Variants in ZDHHC14 observed in about 807,000 individuals in gnomAD.
The protein encoded by ZDHHC14 is palmitoyltransferase ZDHHC14.
Under a neutral mutation model 47.7 loss-of-function variants are expected in ZDHHC14, and 16 were observed. The observed-to-expected ratio is 0.34, with a 90% confidence interval of 0.23 to 0.51. ZDHHC14 has a LOEUF of 0.51. ZDHHC14 is among the 20% of genes least tolerant of loss of function. The pLI is 0.97. For synonymous variants in ZDHHC14, 293 were observed against 278.9 expected (o/e 1.05, Z -0.50); for missense variants, 515 against 662.5 (o/e 0.78, Z 2.44).
At chr6:157,422,109 G>A (rs1045009451) in intron 1 of ZDHHC14, among the ~76,000 whole-genome samples, 1 of 152,128 alleles carries the variant, frequency 6.6e-6, no homozygotes, top group African/African-American at 2.4e-5. Flanking sequence ...CTTTCCAACC[G>A]GCTGGACTGT....
chr6:157,514,360 G>T (rs1488185001), intron 1 of ZDHHC14, among the ~76,000 whole-genome samples: 1 of 152,154 alleles, frequency 6.6e-6, no homozygotes, highest in Non-Finnish European at 1.5e-5. Flanking sequence ...TATGCCCATG[G>T]TCACTTTCAC....
chr6:157,402,355 G>T (rs149752797), intron 1 of ZDHHC14, among the ~76,000 whole-genome samples: 144 of 151,970 alleles, frequency 9.5e-4, no homozygotes, highest in Admixed American at 2.5e-3. Flanking sequence ...CACCTGCTGA[G>T]GTCTCAGCTG....
chr6:157,385,626 T>G (rs1777294711), intron 1 of ZDHHC14, among the ~76,000 whole-genome samples: 2 of 152,260 alleles, frequency 1.3e-5, no homozygotes, highest in Non-Finnish European at 1.5e-5. Context: ...CAACAGGTGT[T>G]GATACAGTCT....
chr6:157,561,833 A>AT (rs1262801931), intron 2 of ZDHHC14, among the ~76,000 whole-genome samples: 1 of 151,960 alleles, frequency 6.6e-6, no homozygotes, highest in East Asian at 1.9e-4. Flanking sequence ...TATTTTTTGT[A>AT]TTTTTTGTAG....
At chr6:157,596,810 A>G (rs1368996406) in intron 3 of ZDHHC14, among the ~76,000 whole-genome samples, 1 of 152,198 alleles carries the variant, frequency 6.6e-6, no homozygotes, top group Non-Finnish European at 1.5e-5. Context: ...CTGAGGGGCC[A>G]GTAAGCGCGT....
intron 2 of ZDHHC14, among the ~76,000 whole-genome samples, chr6:157,559,382 C>T (rs1229338634): frequency 6.6e-6 from 1 of 152,220 alleles, no homozygotes; most frequent in African/African-American, 2.4e-5. Context: ...CTTTGCTCCC[C>T]AGCAAGTGCA....
At chr6:157,636,437 A>C (rs1264248504) in intron 5 of ZDHHC14, among the ~76,000 whole-genome samples, 3 of 151,950 alleles carry the variant, frequency 2.0e-5, no homozygotes, top group African/African-American at 7.3e-5. Context: ...TCAGGTTGGA[A>C]ATGCTCGCGG....
intron 1 of ZDHHC14, 114 bp from the exon 2 acceptor site, chr6:157,542,471 C>G: frequency 7.4e-7 from 1 of 1,360,242 alleles, no homozygotes; most frequent in East Asian, 2.4e-5. Flanking sequence ...ATCAATTTCT[C>G]TCCTCCAAAT....
chr6:157,647,485 G>A (rs142912208), intron 7 of ZDHHC14, 117 bp downstream of exon 7: 1 of 657,956 alleles, frequency 1.5e-6, no homozygotes, highest in African/African-American at 1.8e-5. Flanking sequence ...TGACCACTTT[G>A]TGCCGCGTGG....
rs1779815724 is a variant in ZDHHC14, at chr6:157,487,719, C to T, written c.246-54866C>T. Among the ~76,000 whole-genome samples, 10 of 152,112 alleles carry T rather than the reference C, an allele frequency of 6.6e-5. No homozygotes were observed. The South Asian group carries it at 2.1e-3, about 32-fold the overall frequency. ...GAGCTTTTCTAAATCTCATGATTGT[C>T]GTTGTTATTTTTAGTACTATTATTA... is the stretch of plus-strand genomic sequence containing the variant. On this transcript the variant is annotated intron_variant, in intron 1 of 8. Transcript: ENST00000359775.
intron 7 of ZDHHC14, among the ~76,000 whole-genome samples, chr6:157,652,156 G>C (rs1245399137): frequency 6.6e-6 from 1 of 152,156 alleles, no homozygotes; most frequent in African/African-American, 2.4e-5. Flanking sequence ...TAAACCTATG[G>C]AGTGTTCAGC....
At chr6:157,538,492 T>C (rs958677814) in intron 1 of ZDHHC14, among the ~76,000 whole-genome samples, 1 of 152,236 alleles carries the variant, frequency 6.6e-6, no homozygotes. Flanking sequence ...AAATGGATTC[T>C]ATTCATTCAG....
chr6:157,504,239 G>T (rs1050083777), intron 1 of ZDHHC14, among the ~76,000 whole-genome samples: 4 of 151,804 alleles, frequency 2.6e-5, no homozygotes, highest in African/African-American at 9.7e-5. Context: ...ATGGAGTCTC[G>T]CTGTGCCGCC....
intron 8 of ZDHHC14, among the ~76,000 whole-genome samples, chr6:157,654,170 C>T (rs1007279073): frequency 1.2e-4 from 18 of 152,172 alleles, no homozygotes; most frequent in African/African-American, 4.3e-4. Flanking sequence ...AGAGCGTGTG[C>T]ACATCTCACG....
intron 1 of ZDHHC14, among the ~76,000 whole-genome samples, chr6:157,399,290 C>T (rs969889529): frequency 3.3e-5 from 5 of 152,152 alleles, no homozygotes; most frequent in East Asian, 1.9e-4. Context: ...GTTAGAGATA[C>T]GATACCTGTA....
intron 3 of ZDHHC14, among the ~76,000 whole-genome samples, chr6:157,614,081 G>GC (rs1043393587): frequency 2.5e-4 from 38 of 152,124 alleles, no homozygotes; most frequent in African/African-American, 8.0e-4. Context: ...CTCTTGGCAA[G>GC]CCCCCCCACC....
At chr6:157,566,078 C>G (rs923569197) in intron 2 of ZDHHC14, among the ~76,000 whole-genome samples, 1 of 152,178 alleles carries the variant, frequency 6.6e-6, no homozygotes, top group Non-Finnish European at 1.5e-5. Flanking sequence ...ATAAAAGGCA[C>G]TTTTCTTAGA....
rs971858323 is a variant in ZDHHC14 at position 157,463,545 on chromosome 6, G to C, written c.246-79040G>C. On this transcript the variant is annotated intron_variant, in intron 1 of 8. Coordinates refer to ENST00000359775, the MANE Select transcript of ZDHHC14 (RefSeq NM_024630.3). This position sits in a 1 kb window ranked among gnomAD's most constrained non-coding sequence, Gnocchi z 4.4. ...TTGACAGTGACTGAGCCTACAGGAA[G>C]AATCATCAGAAAGGAATGTAAGACA... 6.6e-6 allele frequency among the ~76,000 whole-genome samples: 1 copy of C among 152,128 alleles called. No homozygotes were observed. The highest frequency in any genetic ancestry group is 2.4e-5 in the African/African-American group (1 of 41,408).
At chr6:157,511,466 C>T (rs1780481348) in intron 1 of ZDHHC14, among the ~76,000 whole-genome samples, 3 of 151,432 alleles carry the variant, frequency 2.0e-5, no homozygotes, top group East Asian at 1.9e-4. Context: ...CTACAACCTC[C>T]GCCTCCCGGG....
Sources: gnomAD v4.1 joint callset for allele counts (sites outside exome capture counted in the v4.1 genomes callset) on GRCh38, gnomAD v4.1.1 for gene constraint, Gnocchi (gnomAD v3.1) non-coding constraint, MANE v1.5 for transcripts, NCBI Gene and HGNC (gene_info 2026-07-23, HGNC 2026-07-21) for gene names.